MPHOSPH6: variants seen among roughly 807,000 people sequenced by gnomAD.
The protein encoded by MPHOSPH6 is M-phase phosphoprotein 6.
In MPHOSPH6, 25 loss-of-function variants were observed where a neutral mutation model predicts 21.8. The observed-to-expected ratio is 1.15, with a 90% CI of 0.83 to 1.60. The LOEUF (loss-of-function observed/expected upper bound fraction) is 1.60. MPHOSPH6 is among the 40% of genes most tolerant of loss of function. The probability of loss-of-function intolerance (pLI) is 0.00; values close to 1 mark genes in which losing one functional copy is unlikely to be tolerated. For synonymous variants in MPHOSPH6, 84 were observed against 56.5 expected, an observed-to-expected ratio of 1.49 and a Z score of -2.18; for missense variants, 269 against 181.8, an observed-to-expected ratio of 1.48 and a Z score of -2.76.
chr16:82,169,875 G>A (rs1449417678), intron 1 of MPHOSPH6, among the ~76,000 whole-genome samples: 3 of 152,212 alleles, frequency 2.0e-5, no homozygotes, highest in African/African-American at 7.2e-5. Context: ...TGGGTAAGCT[G>A]TACCCTGACT....
chr16:82,164,368 C>T (rs1906697936), intron 1 of MPHOSPH6, among the ~76,000 whole-genome samples, 174 bp from the exon 2 acceptor site: 1 of 152,196 alleles, frequency 6.6e-6, no homozygotes, highest in South Asian at 2.1e-4. Context: ...CAACTTTACA[C>T]TAGACGATGA....
intron 1 of MPHOSPH6, 68 bp downstream of exon 1, chr16:82,170,057 G>T (rs891514491): frequency 1.3e-6 from 2 of 1,520,236 alleles, no homozygotes; most frequent in African/African-American, 1.4e-5. Context: ...CCGCCGCCTC[G>T]GCCCCGGCCA....
In MPHOSPH6 at chr16:82,164,066, A is replaced by G. The variant is rs932977576; in HGVS notation, c.164+16T>C. ...AATGCCACAAGCATCATCAGTATCAATTTTAATAAACCTACTCTTTCTCTT... is the reference window on the plus strand; with the variant it reads ...AATGCCACAAGCATCATCAGTATCAGTTTTAATAAACCTACTCTTTCTCTT... On this transcript the variant is annotated intron_variant, in intron 2 of 4. Coordinates refer to ENST00000258169, the MANE Select transcript of MPHOSPH6 (RefSeq NM_005792.2). The G allele has an allele frequency of 1.3e-6, 2 of 1,564,028 alleles. No individual in the cohort carries two copies. The highest frequency in any genetic ancestry group is 1.1e-5 in the South Asian group (1 of 88,306).
intron 2 of MPHOSPH6, among the ~76,000 whole-genome samples, chr16:82,154,191 T>TC (rs1906356596): frequency 6.6e-6 from 1 of 152,176 alleles, no homozygotes; most frequent in African/African-American, 2.4e-5. Context: ...AGCAAGGAAA[T>TC]GTTTGAGTTC....
chr16:82,168,428 C>T (rs920098862), intron 1 of MPHOSPH6, among the ~76,000 whole-genome samples: 2 of 151,754 alleles, frequency 1.3e-5, no homozygotes, highest in African/African-American at 4.8e-5. Flanking sequence ...TCCATCCTAG[C>T]TCAACTCCAT....
In MPHOSPH6 at chr16:82,168,449, C is replaced by T. The variant is rs1239232938; in HGVS notation, c.51+1676G>A. 5.7e-4 allele frequency among the ~76,000 whole-genome samples: 86 copies of T among 149,722 alleles called. 1 individual carries two copies. The Admixed American group carries it at 5.8e-3, about 10-fold the overall frequency. On this transcript the variant is annotated intron_variant, in intron 1 of 4. Coordinates refer to ENST00000258169, the MANE Select transcript of MPHOSPH6 (RefSeq NM_005792.2). ...CTAGCTCAACTCCATTCAAATCTTG[C>T]CCATATAATGTTTACTCTCTCTCTT... is the stretch of plus-strand genomic sequence containing the variant.
intron 2 of MPHOSPH6, among the ~76,000 whole-genome samples, chr16:82,162,862 G>A (rs557009895): frequency 6.6e-6 from 1 of 152,310 alleles, no homozygotes; most frequent in Non-Finnish European, 1.5e-5. Context: ...TGTATTAGGG[G>A]AAAAATACTG....
chr16:82,164,449 A>T (rs1906700991), intron 1 of MPHOSPH6, among the ~76,000 whole-genome samples: 1 of 152,232 alleles, frequency 6.6e-6, no homozygotes, highest in African/African-American at 2.4e-5. Flanking sequence ...CTAAGACACC[A>T]CATTCGAAGG....
chr16:82,168,771 C>A (rs10514533), intron 1 of MPHOSPH6, among the ~76,000 whole-genome samples: 1 of 152,212 alleles, frequency 6.6e-6, no homozygotes, highest in East Asian at 1.9e-4. Context: ...TGCGAATGGC[C>A]TATCTTTCAA....
chr16:82,162,956 T>C (rs553244580), intron 2 of MPHOSPH6, among the ~76,000 whole-genome samples: 3 of 129,460 alleles, frequency 2.3e-5, no homozygotes, highest in African/African-American at 3.7e-5. Context: ...TAAAAGTAAA[T>C]TATAGCTCCA....
chr16:82,149,325 C>T lies in MPHOSPH6; in HGVS notation c.334G>A (p.Glu112Lys), dbSNP rs1329696673. ...DETVELDVSD[E>K]EMARRYETLV... ...CACGGTTACCTTCTAGCCATCTCTT[C>T]ATCTGACACATCAAGCTCTACTGTT... Residue 112 changes from glutamate (E) to lysine (K), a missense_variant, in exon 4 of 5, where the codon GAA becomes AAA. By Grantham distance (56) the Glu-to-Lys change is moderately conservative. Coordinates refer to ENST00000258169, the MANE Select transcript of MPHOSPH6 (RefSeq NM_005792.2). The T allele has an allele frequency of 6.2e-7, 1 of 1,613,344 alleles. No homozygotes were observed. Among genetic ancestry groups the T allele is most frequent in the South Asian group, 1.1e-5 (1 of 91,086 alleles).
At chr16:82,163,331 T>C (rs190770736) in intron 2 of MPHOSPH6, among the ~76,000 whole-genome samples, 4 of 152,212 alleles carry the variant, frequency 2.6e-5, no homozygotes, top group East Asian at 3.9e-4. Context: ...AAATGAAAAA[T>C]AGCTTCCAGA....
chr16:82,156,789 G>A (rs1906441155), intron 2 of MPHOSPH6, among the ~76,000 whole-genome samples: 1 of 152,194 alleles, frequency 6.6e-6, no homozygotes, highest in African/African-American at 2.4e-5. Context: ...AAAACAGGCT[G>A]GGTGTGGTGC....
Position 82,148,739 on chromosome 16 carries a change from G to A in MPHOSPH6, c.475C>T (p.Gln159Ter). The A allele has an allele frequency of 1.2e-6, 2 of 1,613,960 alleles. No individual in the cohort carries two copies. Among genetic ancestry groups the A allele is most frequent in the Non-Finnish European group, 1.7e-6 (2 of 1,180,016 alleles). Reference sequence around the variant, plus strand: ...CGCTTAAGGCATCCATCTTAATCCTGGGGCTTTAAGAACATCTTCTTTGCT... The same window carrying A: ...CGCTTAAGGCATCCATCTTAATCCTAGGGCTTTAAGAACATCTTCTTTGCT... ...IKAKKMFLKPQD is the reference protein window; with the variant it reads ...IKAKKMFLKP Residue 159 changes from glutamine (Q) to a stop codon, truncating the protein, a stop_gained, in exon 5 of 5, where the codon CAG becomes TAG. Transcript: ENST00000258169. LOFTEE classifies it high-confidence loss of function.
intron 1 of MPHOSPH6, among the ~76,000 whole-genome samples, chr16:82,166,704 T>C (rs12595971): frequency 0.65 from 99,170 of 152,136 alleles, 34,446 homozygotes; most frequent in East Asian, 0.78. Flanking sequence ...TTTTTCCAGA[T>C]TCTCTTTCTG....
At chr16:82,153,114 C>G (rs6420436) in intron 2 of MPHOSPH6, among the ~76,000 whole-genome samples, 128,174 of 151,926 alleles carry the variant, frequency 0.84, 54,478 homozygotes, top group African/African-American at 0.95. Context: ...GTGACAGTGT[C>G]AAACACTCAC....
At chr16:82,148,933 A>T in intron 4 of MPHOSPH6, 70 bp from the exon 5 acceptor site, 1 of 1,536,500 alleles carries the variant, frequency 6.5e-7, no homozygotes, top group South Asian at 1.2e-5. Flanking sequence ...TGTCAAGAAT[A>T]TCAGACCAAA....
intron 1 of MPHOSPH6, among the ~76,000 whole-genome samples, chr16:82,169,884 C>T: frequency 6.6e-6 from 1 of 152,310 alleles, no homozygotes; most frequent in African/African-American, 2.4e-5. Context: ...TGTACCCTGA[C>T]TGCTTCTGTG....
At chr16:82,149,948 A>G (rs1028787141) in intron 3 of MPHOSPH6, among the ~76,000 whole-genome samples, 1 of 151,934 alleles carries the variant, frequency 6.6e-6, no homozygotes. Flanking sequence ...TGTAACATCC[A>G]TGCACCACAG....
Sources: gnomAD v4.1 joint callset for allele counts (sites outside exome capture counted in the v4.1 genomes callset) on GRCh38, gnomAD v4.1.1 for gene constraint, MANE v1.5 for transcripts, NCBI Gene and HGNC (gene_info 2026-07-23, HGNC 2026-07-21) for gene names.